The following PREP variants were observed in gnomAD, a reference collection of about 807,000 sequenced individuals.
PREP encodes the protein dJ355L5.1 (prolyl endopeptidase).
A neutral mutation model predicts 87.6 loss-of-function variants in PREP; 29 were observed. That is an observed-to-expected ratio of 0.33 (90% CI 0.25 to 0.45). The LOEUF (loss-of-function observed/expected upper bound fraction) is 0.45. Among genes scored for constraint, PREP ranks in the 20% least tolerant of loss-of-function variants. The probability of loss-of-function intolerance (pLI) is 1.00; values close to 1 mark genes in which losing one functional copy is unlikely to be tolerated. For synonymous variants in PREP, 337 were observed against 328.6 expected, an observed-to-expected ratio of 1.03 and a Z score of -0.28; for missense variants, 695 against 886.5, an observed-to-expected ratio of 0.78 and a Z score of 2.74.
At position 105,383,594 on chromosome 6, in the gene PREP, A is replaced by G. The variant is rs138839662; in HGVS notation, c.121-6075T>C. Among the ~76,000 whole-genome samples the G allele has an allele frequency of 2.0e-5, 3 of 152,258 alleles. No individual in the cohort carries two copies. In the East Asian group the frequency reaches 5.8e-4, roughly 29 times the overall value. On this transcript the variant is annotated intron_variant, in intron 2 of 14. Transcript: ENST00000652536. ...CTCTTGGGTGAAAAGGGCTCATAGT[A>G]AGCTTCCTGCTGCACATGATCAGCA...
Position 105,389,314 on chromosome 6 carries a change from G to A in PREP, c.120+8539C>T, listed in dbSNP as rs149816719. 5.4e-3 allele frequency among the ~76,000 whole-genome samples: 822 copies of A among 152,190 alleles called. 7 individuals are homozygous for A. Among genetic ancestry groups the A allele is most frequent in the African/African-American group, 0.018 (728 of 41,526 alleles). ...GATGAAGAAAATGAATACTAGATCA[G>A]GTAGCTTGCTACGGTCATAGAACAA... On this transcript the variant is annotated intron_variant, in intron 2 of 14. Coordinates refer to ENST00000652536, the MANE Select transcript of PREP (RefSeq NM_002726.5).
chr6:105,328,457 A>G (rs1398930094), intron 9 of PREP, among the ~76,000 whole-genome samples: 1 of 152,028 alleles, frequency 6.6e-6, no homozygotes, highest in Non-Finnish European at 1.5e-5. Flanking sequence ...GGGTTTCACC[A>G]TTTGCCCAGG....
At chr6:105,339,144 G>C (rs1055949404) in intron 7 of PREP, among the ~76,000 whole-genome samples, 1 of 152,242 alleles carries the variant, frequency 6.6e-6, no homozygotes, top group Admixed American at 6.5e-5. Context: ...AGTAGGGGCT[G>C]ATTGACACCT....
chr6:105,329,035 A>G lies in PREP; in HGVS notation c.1016-9T>C. 4 of 1,609,330 alleles carry G rather than the reference A, an allele frequency of 2.5e-6. No individual in the cohort carries two copies. Among genetic ancestry groups the G allele is most frequent in the Non-Finnish European group, 3.4e-6 (4 of 1,175,870 alleles). On this transcript the variant is annotated splice_polypyrimidine_tract_variant and intron_variant, in intron 8 of 14. Transcript: ENST00000652536. ...GACACAAGCTATCCATTCTGAAAGG[A>G]TAAGAAGAGAAAAAACCTAATGCAA...
intron 7 of PREP, among the ~76,000 whole-genome samples, chr6:105,349,898 T>TAAAAAAAAAAAAAAAAAAAAA (rs1162063177): frequency 5.0e-5 from 3 of 59,454 alleles, no homozygotes; most frequent in African/African-American, 1.6e-4. Flanking sequence ...GGGAAGCAGG[T>TAAAAAAAAAAAAAAAAAAAAA]AAAAAAAAAA....
chr6:105,287,374 A>G (rs1770209600), intron 11 of PREP, among the ~76,000 whole-genome samples: 1 of 152,172 alleles, frequency 6.6e-6, no homozygotes, highest in Admixed American at 6.5e-5. Flanking sequence ...GTTTCCCTTC[A>G]TTTACTCATA....
At chr6:105,333,783 G>T (rs1771405962) in intron 7 of PREP, among the ~76,000 whole-genome samples, 1 of 152,050 alleles carries the variant, frequency 6.6e-6, no homozygotes, top group Non-Finnish European at 1.5e-5. Context: ...AACTGAGCCG[G>T]CCTCAAATCT....
intron 10 of PREP, among the ~76,000 whole-genome samples, chr6:105,291,114 C>A (rs1439314799): frequency 2.0e-5 from 3 of 148,504 alleles, no homozygotes; most frequent in Admixed American, 1.3e-4. Flanking sequence ...TTAAAAAATG[C>A]TTTATTGCTA....
At chr6:105,293,748 T>C (rs2114620000) in intron 10 of PREP, among the ~76,000 whole-genome samples, 1 of 152,356 alleles carries the variant, frequency 6.6e-6, no homozygotes, top group East Asian at 1.9e-4. Flanking sequence ...CCATTTCCAT[T>C]GATGGAATGG....
chr6:105,401,206 C>CTGTGGG (rs1281933166), intron 1 of PREP, among the ~76,000 whole-genome samples: 1 of 152,192 alleles, frequency 6.6e-6, no homozygotes, highest in Non-Finnish European at 1.5e-5. Flanking sequence ...AATAAACAAA[C>CTGTGGG]TGTAGGATTT....
At chr6:105,373,248 C>G in intron 5 of PREP, 121 bp downstream of exon 5, 1 of 1,095,706 alleles carries the variant, frequency 9.1e-7, no homozygotes, top group Non-Finnish European at 1.3e-6. Context: ...ATACAACATC[C>G]TTTGAGGAAA....
chr6:105,363,740 C>A (rs1772310766), intron 6 of PREP, among the ~76,000 whole-genome samples: 1 of 152,036 alleles, frequency 6.6e-6, no homozygotes, highest in African/African-American at 2.4e-5. Context: ...AGACAGCTGG[C>A]CTTGAGACAT....
intron 6 of PREP, among the ~76,000 whole-genome samples, chr6:105,364,378 G>C (rs1187702509): frequency 6.6e-6 from 1 of 152,206 alleles, no homozygotes; most frequent in Non-Finnish European, 1.5e-5. Flanking sequence ...AGGCAAGACA[G>C]ACCTGTCCAT....
chr6:105,278,483 A>T lies in PREP; in HGVS notation c.1839-45T>A. On this transcript the variant is annotated intron_variant, in intron 14 of 14. Coordinates refer to ENST00000652536, the MANE Select transcript of PREP (RefSeq NM_002726.5). The surrounding 1 kb of genome is among the most constrained non-coding windows in gnomAD (Gnocchi z 4.2). ...TTGTGAGGCTGGAGAGCAACAGTAG[A>T]GTTTTATGGCACAGGGACCTAGGTA... is the stretch of plus-strand genomic sequence containing the variant. 1 of 1,557,872 alleles carries T rather than the reference A, an allele frequency of 6.4e-7. No individual in the cohort carries two copies. Among genetic ancestry groups the T allele is most frequent in the Non-Finnish European group, 8.8e-7 (1 of 1,139,608 alleles).
chr6:105,328,886 T>C lies in PREP; in HGVS notation c.1156A>G (p.Ser386Gly), dbSNP rs1394651546. The C allele has an allele frequency of 1.2e-6, 2 of 1,614,204 alleles. No individual in the cohort carries two copies. Among genetic ancestry groups the C allele is most frequent in the Non-Finnish European group, 1.7e-6 (2 of 1,180,038 alleles). ...ATTTCAGTGTCCTTCTTCTGACCGC[T>C]GTACCCTACAATGCTGCCGACATCG... The part of the protein sequence containing the change: ...PLDVGSIVGY[S>G]GQKKDTEIFY... The change falls in exon 9 of 15, where the codon AGC (serine) becomes GGC (glycine). Residue 386 changes from serine (S) to glycine (G), a missense_variant. Coordinates refer to ENST00000652536, the MANE Select transcript of PREP (RefSeq NM_002726.5).
At chr6:105,323,515 G>C (rs1278158286) in intron 10 of PREP, 150 bp downstream of exon 10, 2 of 721,288 alleles carry the variant, frequency 2.8e-6, no homozygotes, top group Non-Finnish European at 4.7e-6. Flanking sequence ...AATCCTGAGT[G>C]TTTGGCTCAA....
At position 105,328,938 on chromosome 6, in the gene PREP, A is replaced by G; in HGVS notation, c.1104T>C (p.Thr368=). ...GCGGGAAGGTCTTAAGGAGAGCACC[A>G]GTAGTCAGGTCATGGAGCTGCAGAA... ...KNILQLHDLT[T]GALLKTFPLD... is the part of the protein sequence containing the mutation. The change falls in exon 9 of 15, where the codon ACT becomes ACC. Residue 368 remains threonine (T), a synonymous_variant. Coordinates refer to ENST00000652536, the MANE Select transcript of PREP (RefSeq NM_002726.5). The G allele has an allele frequency of 1.2e-6, 2 of 1,614,236 alleles. No individual in the cohort carries two copies. Among genetic ancestry groups the G allele is most frequent in the East Asian group, 2.2e-5 (1 of 44,888 alleles).
At chr6:105,402,079 C>G (rs1008994032) in intron 1 of PREP, among the ~76,000 whole-genome samples, 1 of 152,210 alleles carries the variant, frequency 6.6e-6, no homozygotes, top group African/African-American at 2.4e-5. Flanking sequence ...TTGAGTTCAT[C>G]TGCAGCTTAG....
At chr6:105,387,025 C>T (rs886821555) in intron 2 of PREP, among the ~76,000 whole-genome samples, 1 of 152,076 alleles carries the variant, frequency 6.6e-6, no homozygotes, top group Non-Finnish European at 1.5e-5. Context: ...CCAGCTTGGC[C>T]AACATGGTGA....
Sources: gnomAD v4.1 joint callset for allele counts (sites outside exome capture counted in the v4.1 genomes callset) on GRCh38, gnomAD v4.1.1 for gene constraint, Gnocchi (gnomAD v3.1) non-coding constraint, MANE v1.5 for transcripts, NCBI Gene and HGNC (gene_info 2026-07-23, HGNC 2026-07-21) for gene names.